Variants in SEPTIN9 observed in about 807,000 individuals in gnomAD.
SEPTIN9 encodes the protein septin 9.
A neutral mutation model predicts 56.6 loss-of-function variants in SEPTIN9; 13 were observed. The ratio of observed to expected loss-of-function variants is 0.23; its 90% CI spans 0.15 to 0.37. SEPTIN9 has a LOEUF of 0.37. SEPTIN9 is among the 10% of genes least tolerant of loss of function. The pLI, the probability that SEPTIN9 is intolerant of heterozygous loss-of-function variation, is 1.00. For synonymous variants in SEPTIN9, 332 were observed against 334.1 expected (o/e 0.99, Z 0.07); for missense variants, 650 against 823.1 (o/e 0.79, Z 2.57).
At chr17:77,490,652 A>C in intron 7 of SEPTIN9, 90 bp from the exon 8 acceptor site, 1 of 1,018,420 alleles carries the variant, frequency 9.8e-7, no homozygotes, top group Non-Finnish European at 1.5e-6. Context: ...CCGAGCCAGC[A>C]CCTGAGAGTG....
At position 77,344,792 on chromosome 17, in the gene SEPTIN9, C is replaced by T. The variant is rs148423334; in HGVS notation, c.76+37595C>T. Among the ~76,000 whole-genome samples, 318 of 152,040 alleles carry T rather than the reference C, an allele frequency of 2.1e-3. 1 individual carries two copies. Among genetic ancestry groups the T allele is most frequent in the Non-Finnish European group, 3.2e-3 (220 of 67,970 alleles). ...TTTGAGACTAGCCTGGCCAGCATGG[C>T]GAAACCCTGTCTCTGCTAAAAATAC... On this transcript the variant is annotated intron_variant, in intron 2 of 11. Coordinates refer to ENST00000427177, the MANE Select transcript of SEPTIN9 (RefSeq NM_001113491.2).
At chr17:77,409,276 G>A (rs1244526496) in intron 3 of SEPTIN9, among the ~76,000 whole-genome samples, 1 of 126,444 alleles carries the variant, frequency 7.9e-6, no homozygotes, top group African/African-American at 3.2e-5. Flanking sequence ...TCCCGCATGT[G>A]CTGGGGGAAC....
At chr17:77,457,229 T>C (rs538843412) in intron 3 of SEPTIN9, among the ~76,000 whole-genome samples, 3 of 152,240 alleles carry the variant, frequency 2.0e-5, no homozygotes, top group South Asian at 2.1e-4. Flanking sequence ...CGGCCCTCGC[T>C]CTGGCTGCGT....
intron 2 of SEPTIN9, among the ~76,000 whole-genome samples, chr17:77,350,473 A>G (rs951088421): frequency 6.6e-6 from 1 of 152,152 alleles, no homozygotes; most frequent in African/African-American, 2.4e-5. Flanking sequence ...GACGAGAGAG[A>G]GGAGAGAGAG....
In SEPTIN9 at chr17:77,299,886, G is replaced by A. The variant is rs573714006; in HGVS notation, c.20-7255G>A. 3.3e-5 allele frequency among the ~76,000 whole-genome samples: 5 copies of A among 151,940 alleles called. No individual in the cohort carries two copies. The South Asian group carries it at 6.2e-4, about 19-fold the overall frequency. ...AGGGGCTGGTCACCAAGAGAGGGGC[G>A]GCCTCCATGGGCCTTCTTTGGCTTT... On this transcript the variant is annotated intron_variant, in intron 1 of 11. Coordinates refer to ENST00000427177, the MANE Select transcript of SEPTIN9 (RefSeq NM_001113491.2).
chr17:77,484,481 A>ATGGTGGTGATGATGGTGATTGTGG (rs2039596861), intron 4 of SEPTIN9, among the ~76,000 whole-genome samples: 1 of 106,348 alleles, frequency 9.4e-6, no homozygotes, highest in Non-Finnish European at 1.9e-5. Flanking sequence ...GGTGGTGATG[A>ATGGTGGTGATGATGGTGATTGTGG]TGGTGGTGAT....
chr17:77,335,231 T>C (rs2033502102), intron 2 of SEPTIN9, among the ~76,000 whole-genome samples: 1 of 151,490 alleles, frequency 6.6e-6, no homozygotes. Flanking sequence ...TGTGGTCCTG[T>C]ATTAGTATAT....
intron 3 of SEPTIN9, among the ~76,000 whole-genome samples, chr17:77,462,076 G>GA (rs1184145189): frequency 3.3e-5 from 5 of 152,256 alleles, no homozygotes; most frequent in East Asian, 1.9e-4. Flanking sequence ...CAAAATCTGA[G>GA]AAAAAACCCT....
Position 77,365,322 on chromosome 17 carries a change from T to C in SEPTIN9, c.77-36737T>C, listed in dbSNP as rs80286661. ...CTTGTTTGTACCTCTTTCTCTCTCT[T>C]TCTCTCTTTCTTCCCTCTCTTCCTT... On this transcript the variant is annotated intron_variant, in intron 2 of 11. Coordinates refer to ENST00000427177, the MANE Select transcript of SEPTIN9 (RefSeq NM_001113491.2). Among the ~76,000 whole-genome samples the C allele has an allele frequency of 3.4e-3, 519 of 152,144 alleles. 2 individuals are homozygous for C. The highest frequency in any genetic ancestry group is 5.9e-3 in the Non-Finnish European group (399 of 67,976).
intron 2 of SEPTIN9, chr17:77,373,242 GCCGGTGCGGGTGCGGGAACCTGAT>G: frequency 3.5e-6 from 4 of 1,130,896 alleles, no homozygotes; most frequent in Non-Finnish European, 4.3e-6. Context: ...AGACAGGGAG[GCCGGTGCGGGTGCGGGAACCTGAT>G]CCGCCCGGGA....
At position 77,402,004 on chromosome 17, in the gene SEPTIN9, G is replaced by A. The variant is rs543941660; in HGVS notation, c.77-55G>A. 2.3e-4 allele frequency: 364 copies of A among 1,565,336 alleles called. 1 individual carries two copies. The highest frequency in any genetic ancestry group is 5.1e-4 in the Middle Eastern group (3 of 5,870). Reference sequence around the variant, plus strand: ...GCTGCTCCTTAGCAGGAAACATGCCGGAGTGTTCCCTAGCCATCCATTCAC... The same window carrying A: ...GCTGCTCCTTAGCAGGAAACATGCCAGAGTGTTCCCTAGCCATCCATTCAC... On this transcript the variant is annotated intron_variant, in intron 2 of 11. Transcript: ENST00000427177. The surrounding 1 kb of genome is among the most constrained non-coding windows in gnomAD (Gnocchi z 6.6).
Position 77,453,186 on chromosome 17 carries a change from C to T in SEPTIN9, c.722-28958C>T, listed in dbSNP as rs1054738347. Among the ~76,000 whole-genome samples, 3 of 152,122 alleles carry T rather than the reference C, an allele frequency of 2.0e-5. No homozygotes were observed. Among genetic ancestry groups the T allele is most frequent in the African/African-American group, 4.8e-5 (2 of 41,482 alleles). On this transcript the variant is annotated intron_variant, in intron 3 of 11. Coordinates refer to ENST00000427177, the MANE Select transcript of SEPTIN9 (RefSeq NM_001113491.2). The surrounding 1 kb of genome is among the most constrained non-coding windows in gnomAD (Gnocchi z 4.4). ...CCCACTGTGTGCGCCTGGGGGGTGG[C>T]GTGGGGCACTCTGGGATGAGAAGAT...
intron 1 of SEPTIN9, among the ~76,000 whole-genome samples, chr17:77,298,617 G>C (rs1471554401): frequency 2.0e-5 from 3 of 152,124 alleles, no homozygotes; most frequent in Admixed American, 6.5e-5. Context: ...ACAAGTGCAG[G>C]GATTCTCACC....
intron 1 of SEPTIN9, among the ~76,000 whole-genome samples, chr17:77,291,088 T>G (rs1272375127): frequency 7.2e-6 from 1 of 138,504 alleles, no homozygotes; most frequent in Admixed American, 7.5e-5. Context: ...CAGGCTGGAG[T>G]GCCGTGGTGC....
At chr17:77,491,826 A>G (rs985760408) in intron 8 of SEPTIN9, among the ~76,000 whole-genome samples, 53 of 150,506 alleles carry the variant, frequency 3.5e-4, no homozygotes, top group African/African-American at 1.3e-3. Flanking sequence ...AAAAAAAAAA[A>G]AGTTTCAGGA....
intron 2 of SEPTIN9, chr17:77,320,209 AGAG>A (rs372287642): frequency 2.2e-4 from 345 of 1,595,782 alleles, no homozygotes; most frequent in Admixed American, 8.6e-4. Context: ...GAGTGTTTTT[AGAG>A]GAGGAGGAGG....
At chr17:77,413,089 T>TGC (rs1475933843) in intron 3 of SEPTIN9, among the ~76,000 whole-genome samples, 21 of 53,746 alleles carry the variant, frequency 3.9e-4, no homozygotes, top group African/African-American at 1.9e-3. Context: ...GGGTGGGGCG[T>TGC]GTGTGTGTGT....
intron 2 of SEPTIN9, among the ~76,000 whole-genome samples, chr17:77,397,755 T>C (rs1021392214): frequency 6.6e-6 from 1 of 152,138 alleles, no homozygotes; most frequent in Non-Finnish European, 1.5e-5. Flanking sequence ...ATTTAAGTGA[T>C]TCTTCTGCCT....
intron 5 of SEPTIN9, among the ~76,000 whole-genome samples, 159 bp from the exon 6 acceptor site, chr17:77,488,081 G>A (rs528834104): frequency 4.6e-5 from 7 of 151,302 alleles, no homozygotes; most frequent in African/African-American, 7.3e-5. Context: ...AACCGTCACC[G>A]GCCTGTGCCG....
Sources: allele counts gnomAD v4.1 joint callset (sites outside exome capture counted in the v4.1 genomes callset), GRCh38; gene constraint gnomAD v4.1.1; non-coding constraint Gnocchi (gnomAD v3.1); transcripts MANE v1.5; gene names NCBI Gene and HGNC (gene_info 2026-07-23, HGNC 2026-07-21).